The following TMEM132B variants were observed in gnomAD, a reference collection of about 807,000 sequenced individuals.
TMEM132B encodes transmembrane protein 132B.
A neutral mutation model predicts 90.8 loss-of-function variants in TMEM132B; 18 were observed. That is an observed-to-expected ratio of 0.20 (90% CI 0.14 to 0.29). The LOEUF is 0.29. Among genes scored for constraint, TMEM132B ranks in the 10% least tolerant of loss-of-function variants. The pLI, the probability that TMEM132B is intolerant of heterozygous loss-of-function variation, is 1.00. For synonymous variants in TMEM132B, 504 were observed against 523.3 expected (o/e 0.96, Z 0.50); for missense variants, 1,096 against 1,326.8 (o/e 0.83, Z 2.70).
chr12:125,592,425 A>G (rs1885337186), intron 5 of TMEM132B, among the ~76,000 whole-genome samples: 1 of 152,094 alleles, frequency 6.6e-6, no homozygotes, highest in Non-Finnish European at 1.5e-5. Flanking sequence ...AAATAATGAG[A>G]TGTTAAATGG....
chr12:125,428,914 G>A (rs535280538), intron 3 of TMEM132B, among the ~76,000 whole-genome samples: 2 of 152,306 alleles, frequency 1.3e-5, no homozygotes, highest in Non-Finnish European at 2.9e-5. Context: ...GGTGTTTGCA[G>A]AAGGGGTGTG....
At chr12:125,275,424 A>G (rs1042905522) in intron 1 of TMEM132B, among the ~76,000 whole-genome samples, 7 of 152,204 alleles carry the variant, frequency 4.6e-5, no homozygotes, top group African/African-American at 1.7e-4. Context: ...ATGGCTGAGG[A>G]ATCAAAGAAA....
At chr12:125,433,841 A>G (rs1056358785) in intron 3 of TMEM132B, among the ~76,000 whole-genome samples, 27 of 152,036 alleles carry the variant, frequency 1.8e-4, no homozygotes, top group Admixed American at 6.5e-4. Context: ...CCTTTTTCTT[A>G]AAGTTCGCAA....
intron 4 of TMEM132B, among the ~76,000 whole-genome samples, chr12:125,574,561 C>T (rs1173879582): frequency 2.0e-5 from 3 of 152,008 alleles, no homozygotes; most frequent in East Asian, 1.9e-4. Flanking sequence ...ACTATTGTCA[C>T]GTAAGGAATC....
At chr12:125,366,597 C>T (rs1441096752) in intron 2 of TMEM132B, among the ~76,000 whole-genome samples, 1 of 152,172 alleles carries the variant, frequency 6.6e-6, no homozygotes, top group East Asian at 1.9e-4. Context: ...AAGATTTGCT[C>T]ATCATCTTTG....
chr12:125,646,871 G>A (rs1363854590), intron 6 of TMEM132B, among the ~76,000 whole-genome samples: 4 of 152,148 alleles, frequency 2.6e-5, no homozygotes, highest in Admixed American at 1.3e-4. Context: ...ACTGATGGCA[G>A]TGCCCAGATA....
chr12:125,499,572 G>A (rs563422994), intron 3 of TMEM132B, among the ~76,000 whole-genome samples: 145 of 152,262 alleles, frequency 9.5e-4, no homozygotes, highest in African/African-American at 3.4e-3. Flanking sequence ...AATGGAATGC[G>A]ACCCTTATGG....
chr12:125,427,171 G>A (rs1272760230), intron 3 of TMEM132B, among the ~76,000 whole-genome samples: 1 of 152,182 alleles, frequency 6.6e-6, no homozygotes, highest in African/African-American at 2.4e-5. Context: ...TTAGAGTATG[G>A]GAGGGTGCAT....
At chr12:125,233,337 C>G (rs1284424991) in intron 1 of TMEM132B, among the ~76,000 whole-genome samples, 2 of 152,294 alleles carry the variant, frequency 1.3e-5, no homozygotes, top group East Asian at 3.9e-4. Flanking sequence ...TCTGCTCTGC[C>G]ATCTTTGGCT....
rs569690596 is a variant in TMEM132B at position 125,403,850 on chromosome 12, A to G, written c.960-11681A>G. 3.3e-5 allele frequency among the ~76,000 whole-genome samples: 5 copies of G among 152,312 alleles called. No homozygotes were observed. The East Asian group carries it at 9.6e-4, about 29-fold the overall frequency. ...AGTGACCAGCTTAGTTGACCAGCTAAGCCCATGAGCATTGTCCCTCTACCC... is the reference window on the plus strand; with the variant it reads ...AGTGACCAGCTTAGTTGACCAGCTAGGCCCATGAGCATTGTCCCTCTACCC... On this transcript the variant is annotated intron_variant, in intron 2 of 8. Coordinates refer to ENST00000682704, the MANE Select transcript of TMEM132B (RefSeq NM_001366854.1).
intron 1 of TMEM132B, among the ~76,000 whole-genome samples, chr12:125,320,849 T>C (rs1876409942): frequency 6.6e-6 from 1 of 152,184 alleles, no homozygotes; most frequent in South Asian, 2.1e-4. Flanking sequence ...ACCCATTATC[T>C]CTCTATTTGC....
intron 2 of TMEM132B, among the ~76,000 whole-genome samples, chr12:125,364,577 A>G (rs958537731): frequency 2.6e-5 from 4 of 152,144 alleles, no homozygotes; most frequent in Non-Finnish European, 4.4e-5. Context: ...TACATTGACT[A>G]TAGAGATCAA....
rs1887022803 is a variant in TMEM132B at position 125,654,883 on chromosome 12, A to T, written c.*173A>T. Reference sequence around the variant, plus strand: ...TGGAGAGCTATAGAAGCTGGGTTTTAAGTTTGGAAATGCCTCTAAAACAGC... The same window carrying T: ...TGGAGAGCTATAGAAGCTGGGTTTTTAGTTTGGAAATGCCTCTAAAACAGC... On this transcript the variant is annotated 3_prime_UTR_variant, in exon 9 of 9. Coordinates refer to ENST00000682704, the MANE Select transcript of TMEM132B (RefSeq NM_001366854.1). This position sits in a 1 kb window ranked among gnomAD's most constrained non-coding sequence, Gnocchi z 5.8. 7.6e-5 allele frequency: 57 copies of T among 752,740 alleles called. 1 individual carries two copies. The South Asian group carries it at 1.1e-3, about 14-fold the overall frequency. 46.6% of individuals were successfully genotyped at this position (752,740 alleles called of 1,614,324 possible). A position where few individuals can be genotyped will look rare whatever the true frequency, so the allele number is the denominator to read the frequency against.
chr12:125,224,919 T>G (rs1873643459), intron 1 of TMEM132B, among the ~76,000 whole-genome samples: 2 of 152,320 alleles, frequency 1.3e-5, no homozygotes, highest in South Asian at 4.2e-4. Flanking sequence ...CACACACACT[T>G]TTTTGCATTC....
At chr12:125,613,397 C>G (rs1003010527) in intron 5 of TMEM132B, among the ~76,000 whole-genome samples, 1 of 150,516 alleles carries the variant, frequency 6.6e-6, no homozygotes, top group Non-Finnish European at 1.5e-5. Context: ...CCATTTTAAT[C>G]CAGTCTGTTA....
intron 4 of TMEM132B, among the ~76,000 whole-genome samples, chr12:125,563,566 AAAACAAACAAACAAAC>A (rs55666916): frequency 6.9e-6 from 1 of 145,584 alleles, no homozygotes; most frequent in Non-Finnish European, 1.5e-5. Flanking sequence ...CTCTGTCTCA[AAAACAAACAAACAAAC>A]AAACAAACAA....
At chr12:125,426,197 C>T (rs1032360496) in intron 3 of TMEM132B, among the ~76,000 whole-genome samples, 34 of 152,204 alleles carry the variant, frequency 2.2e-4, no homozygotes, top group African/African-American at 8.0e-4. Context: ...CCCAATGATA[C>T]ATGATGCTGA....
chr12:125,655,738 A>G lies in TMEM132B; in HGVS notation c.*1028A>G, dbSNP rs1199954756. ...AGTAGAATTGACCTACACAGAAAGG[A>G]AATTGCCTAGGCAATAGATGCAGAT... is the stretch of plus-strand genomic sequence containing the variant. On this transcript the variant is annotated 3_prime_UTR_variant, in exon 9 of 9. Coordinates refer to ENST00000682704, the MANE Select transcript of TMEM132B (RefSeq NM_001366854.1). 1 of 152,224 alleles carries G rather than the reference A, an allele frequency of 6.6e-6. No homozygotes were observed. Among genetic ancestry groups the G allele is most frequent in the Non-Finnish European group, 1.5e-5 (1 of 68,042 alleles). 9.4% of individuals were successfully genotyped at this position (152,224 alleles called of 1,614,324 possible).
intron 1 of TMEM132B, among the ~76,000 whole-genome samples, chr12:125,309,391 T>C (rs1876070509): frequency 6.6e-6 from 1 of 152,226 alleles, no homozygotes. Context: ...TTACTACTAG[T>C]ACACATCAGG....
Sources: allele counts gnomAD v4.1 joint callset (sites outside exome capture counted in the v4.1 genomes callset), GRCh38; gene constraint gnomAD v4.1.1; non-coding constraint Gnocchi (gnomAD v3.1); transcripts MANE v1.5; gene names NCBI Gene and HGNC (gene_info 2026-07-23, HGNC 2026-07-21).